The following FGD6 variants were observed in gnomAD, a reference collection of about 807,000 sequenced individuals.
FGD6 encodes the protein FYVE, RhoGEF and PH domain-containing protein 6.
FGD6 carries 90 observed loss-of-function variants against 149.4 expected under a neutral mutation model. The observed-to-expected ratio is 0.60, with a 90% CI of 0.51 to 0.72. FGD6 has a LOEUF of 0.72. FGD6 is among the 30% of genes least tolerant of loss of function. FGD6 has a pLI of 0.00. For synonymous variants in FGD6, 527 were observed against 584.0 expected, an observed-to-expected ratio of 0.90 and a Z score of 1.41; for missense variants, 1,437 against 1,684.8, an observed-to-expected ratio of 0.85 and a Z score of 2.57.
intron 8 of FGD6, among the ~76,000 whole-genome samples, chr12:95,128,917 G>A (rs1400089597): frequency 6.6e-6 from 1 of 152,164 alleles, no homozygotes; most frequent in African/African-American, 2.4e-5. Context: ...GGTAATTCTG[G>A]GTTATAAACT....
chr12:95,150,110 C>T (rs1230309996), intron 5 of FGD6, among the ~76,000 whole-genome samples: 1 of 151,360 alleles, frequency 6.6e-6, no homozygotes, highest in East Asian at 1.9e-4. Context: ...TCACCGCAAC[C>T]TCTGCCTCCT....
At chr12:95,194,918 T>C (rs1474400920) in intron 2 of FGD6, among the ~76,000 whole-genome samples, 1 of 152,172 alleles carries the variant, frequency 6.6e-6, no homozygotes, top group Non-Finnish European at 1.5e-5. Flanking sequence ...AACATTTCAA[T>C]TAAAAACAGT....
At chr12:95,190,933 T>C (rs1220242595) in intron 2 of FGD6, among the ~76,000 whole-genome samples, 7 of 152,192 alleles carry the variant, frequency 4.6e-5, no homozygotes, top group African/African-American at 1.7e-4. Flanking sequence ...AAAATGTCAC[T>C]AGACCCTTCA....
chr12:95,154,385 G>C (rs1163209028), intron 3 of FGD6, among the ~76,000 whole-genome samples: 1 of 152,190 alleles, frequency 6.6e-6, no homozygotes, highest in African/African-American at 2.4e-5. Context: ...GTATTTAGGT[G>C]AATTTGTTGT....
intron 5 of FGD6, among the ~76,000 whole-genome samples, chr12:95,144,361 ATT>A (rs779734977): frequency 1.4e-4 from 21 of 152,280 alleles, no homozygotes; most frequent in Non-Finnish European, 2.6e-4. Context: ...GGCTATAAGA[ATT>A]TTGAGAGTAT....
chr12:95,098,176 C>T (rs558689243), intron 14 of FGD6, among the ~76,000 whole-genome samples: 2 of 152,258 alleles, frequency 1.3e-5, no homozygotes, highest in East Asian at 3.9e-4. Flanking sequence ...AAACTCAACT[C>T]CCAATTTCTC....
chr12:95,082,862 G>A (rs560981325), intron 20 of FGD6, among the ~76,000 whole-genome samples: 2 of 147,056 alleles, frequency 1.4e-5, no homozygotes, highest in Non-Finnish European at 3.0e-5. Context: ...ATTATTTTAT[G>A]TAGGCTGGGC....
chr12:95,125,778 A>G (rs117163302), intron 8 of FGD6: 8,134 of 731,530 alleles, frequency 0.011, 88 homozygotes, highest in Middle Eastern at 0.019. Context: ...CAGGCACTTC[A>G]TGGAGGTTGG....
At chr12:95,183,703 G>A (rs1276742018) in intron 2 of FGD6, among the ~76,000 whole-genome samples, 2 of 152,096 alleles carry the variant, frequency 1.3e-5, no homozygotes, top group East Asian at 3.9e-4. Flanking sequence ...CCAAGTATGG[G>A]GGTGAACACC....
chr12:95,179,038 G>C (rs1181175355), intron 2 of FGD6, among the ~76,000 whole-genome samples: 1 of 152,098 alleles, frequency 6.6e-6, no homozygotes, highest in Non-Finnish European at 1.5e-5. Context: ...AACTGTCTCT[G>C]GGTGACTCTG....
rs1053000344 is a variant in FGD6, at chr12:95,125,785, T to C, written c.3082+8954A>G. On this transcript the variant is annotated intron_variant, in intron 8 of 20. Transcript: ENST00000343958. ...ATGGTGTTCAGGCACTTCATGGAGG[T>C]TGGCTGGGCAACCTACGTCGCCTTT... is the stretch of plus-strand genomic sequence containing the variant. The C allele has an allele frequency of 1.3e-5, 10 of 742,694 alleles. No homozygotes were observed. The African/African-American group carries it at 1.4e-4, about 10-fold the overall frequency. The allele number at this position is 742,694 out of a possible 1,614,324, so 46.0% of individuals were successfully genotyped here.
intron 14 of FGD6, among the ~76,000 whole-genome samples, chr12:95,095,717 T>C (rs1365114596): frequency 6.6e-6 from 1 of 152,034 alleles, no homozygotes; most frequent in Non-Finnish European, 1.5e-5. Context: ...TTTTGAGGTA[T>C]ACAGAAGTAA....
At chr12:95,163,330 C>T (rs112505248) in intron 3 of FGD6, among the ~76,000 whole-genome samples, 7 of 152,190 alleles carry the variant, frequency 4.6e-5, no homozygotes, top group Non-Finnish European at 5.9e-5. Context: ...ATATTCCAAA[C>T]GTCCTTTAAG....
chr12:95,152,817 C>T lies in FGD6; in HGVS notation c.2679G>A (p.Leu893=). Residue 893 remains leucine (L), a synonymous_variant, in exon 5 of 21, where the codon TTG becomes TTA. Transcript: ENST00000343958. ...EKVFVDVLKL[L]HIDFRDAVAH... is the part of the protein sequence containing the mutation. The stretch of plus-strand genomic sequence containing the variant: ...AATATTAGCAGATACTTACAATATG[C>T]AAAAGTTTTAACACATCCACAAACC... The T allele has an allele frequency of 6.2e-7, 1 of 1,612,514 alleles. No homozygotes were observed. Among genetic ancestry groups the T allele is most frequent in the Non-Finnish European group, 8.5e-7 (1 of 1,179,184 alleles).
At chr12:95,134,110 T>C (rs549648651) in intron 8 of FGD6, among the ~76,000 whole-genome samples, 7 of 152,318 alleles carry the variant, frequency 4.6e-5, no homozygotes, top group Non-Finnish European at 1.0e-4. Context: ...CTAATACTTA[T>C]GTAGAACTTG....
At chr12:95,155,169 C>G (rs1880429008) in intron 3 of FGD6, among the ~76,000 whole-genome samples, 1 of 152,022 alleles carries the variant, frequency 6.6e-6, no homozygotes, top group Non-Finnish European at 1.5e-5. Flanking sequence ...GGGTGATGTT[C>G]AAGTGAATAA....
intron 3 of FGD6, among the ~76,000 whole-genome samples, chr12:95,165,005 G>A (rs2136279647): frequency 6.6e-6 from 1 of 152,174 alleles, no homozygotes; most frequent in East Asian, 1.9e-4. Flanking sequence ...TGAAGACGAT[G>A]AATATTCTAA....
At chr12:95,116,390 G>A (rs909318453) in intron 8 of FGD6, among the ~76,000 whole-genome samples, 7 of 152,074 alleles carry the variant, frequency 4.6e-5, no homozygotes, top group African/African-American at 1.7e-4. Context: ...CCTAAATATT[G>A]GACTCATGGC....
chr12:95,084,479 A>G lies in FGD6; in HGVS notation c.4256+19T>C. The G allele has an allele frequency of 6.6e-7, 1 of 1,511,834 alleles. No individual in the cohort carries two copies. Among genetic ancestry groups the G allele is most frequent in the South Asian group, 1.4e-5 (1 of 71,736 alleles). 93.7% of individuals were successfully genotyped at this position (1,511,834 alleles called of 1,614,324 possible). On this transcript the variant is annotated intron_variant, in intron 20 of 20. Coordinates refer to ENST00000343958, the MANE Select transcript of FGD6 (RefSeq NM_018351.4). ...CTGAAATCTCATGAATAAAAGAAAAATATGGCCAGATTACTTACTTCTGAG... is the reference window on the plus strand; with the variant it reads ...CTGAAATCTCATGAATAAAAGAAAAGTATGGCCAGATTACTTACTTCTGAG...
Sources: gnomAD v4.1 joint callset for allele counts (sites outside exome capture counted in the v4.1 genomes callset) on GRCh38, gnomAD v4.1.1 for gene constraint, MANE v1.5 for transcripts, NCBI Gene and HGNC (gene_info 2026-07-23, HGNC 2026-07-21) for gene names.